TENM2: variants seen among roughly 807,000 people sequenced by gnomAD.
The protein encoded by TENM2 is teneurin transmembrane protein 2.
In TENM2, 52 loss-of-function variants were observed where a neutral mutation model predicts 245.2. The ratio of observed to expected loss-of-function variants is 0.21; its 90% CI spans 0.17 to 0.27. The LOEUF (loss-of-function observed/expected upper bound fraction) is 0.27. Ranked by LOEUF, TENM2 falls within the 10% of genes least tolerant of loss-of-function variation. The probability of loss-of-function intolerance (pLI) is 1.00; values close to 1 mark genes in which losing one functional copy is unlikely to be tolerated. For missense variants in TENM2, 3,046 were observed against 3,666.8 expected (o/e 0.83, Z 4.37); for synonymous variants, 1,363 against 1,438.9 (o/e 0.95, Z 1.19).
intron 5 of TENM2, among the ~76,000 whole-genome samples, chr5:168,034,465 C>T (rs994821748): frequency 6.6e-6 from 1 of 151,804 alleles, no homozygotes; most frequent in Admixed American, 6.6e-5. Context: ...AGCGTGGTGG[C>T]TCATACTTGT....
At chr5:168,034,089 A>G (rs916695120) in intron 5 of TENM2, among the ~76,000 whole-genome samples, 1 of 141,028 alleles carries the variant, frequency 7.1e-6, no homozygotes, top group African/African-American at 2.8e-5. Context: ...ATACATATAT[A>G]TGTGTATATA....
At chr5:167,731,760 A>G (rs2150559623) in intron 2 of TENM2, among the ~76,000 whole-genome samples, 1 of 145,044 alleles carries the variant, frequency 6.9e-6, no homozygotes, top group Middle Eastern at 3.7e-3. Context: ...GTTCCAGACT[A>G]CTGCATGTAG....
At chr5:167,389,516 A>G (rs28555227) in intron 2 of TENM2, among the ~76,000 whole-genome samples, 48,518 of 151,884 alleles carry the variant, frequency 0.32, 8,044 homozygotes, top group Middle Eastern at 0.43. Flanking sequence ...TTTAAGAGGG[A>G]CATAGTACTC....
chr5:167,147,484 A>G, the TENM2 span, among the ~76,000 whole-genome samples: 1 of 152,156 alleles, frequency 6.6e-6, no homozygotes, highest in Admixed American at 6.6e-5. Context: ...AGCTCAGTGC[A>G]TACAAATACA....
the TENM2 span, among the ~76,000 whole-genome samples, chr5:167,069,750 A>G: frequency 0.21 from 31,583 of 152,106 alleles, 4,629 homozygotes; most frequent in East Asian, 0.44. Flanking sequence ...CTTAATTTTC[A>G]TTTAGCTGAA....
chr5:167,808,222 C>T (rs1180904797), intron 2 of TENM2, among the ~76,000 whole-genome samples: 1 of 152,142 alleles, frequency 6.6e-6, no homozygotes, highest in African/African-American at 2.4e-5. Context: ...ATCTGTGAAA[C>T]AACTGATAAT....
Position 167,926,783 on chromosome 5 carries a change from G to A in TENM2, c.713-25805G>A, listed in dbSNP as rs567260400. Among the ~76,000 whole-genome samples the A allele has an allele frequency of 2.6e-5, 4 of 151,398 alleles. No individual in the cohort carries two copies. In the South Asian group the frequency reaches 6.3e-4, roughly 24 times the overall value. On this transcript the variant is annotated intron_variant, in intron 3 of 28. Transcript: ENST00000518659. ...ACACACAAGACCTTAGTGTCTTAGC[G>A]ATGGGAGTTTTCTGTATGTTGACTG... is the stretch of plus-strand genomic sequence containing the variant.
Position 167,835,253 on chromosome 5 carries a change from C to T in TENM2, c.503-40733C>T, listed in dbSNP as rs575248306. On this transcript the variant is annotated intron_variant, in intron 2 of 28. Coordinates refer to ENST00000518659, the Ensembl canonical transcript of TENM2. ...AACGGTGTGATTCACCAGAGTGAGA[C>T]TATCATCCCATGGGGACAGGGAGAA... Among the ~76,000 whole-genome samples the T allele has an allele frequency of 5.9e-5, 9 of 152,300 alleles. No homozygotes were observed. The East Asian group carries it at 1.5e-3, about 26-fold the overall frequency.
the TENM2 span, among the ~76,000 whole-genome samples, chr5:166,995,060 T>C: frequency 3.3e-3 from 506 of 152,256 alleles, 13 homozygotes; most frequent in South Asian, 0.059. Flanking sequence ...AAAAGATGGA[T>C]GATTCTTGCA....
At chr5:167,590,340 G>C (rs987875745) in intron 2 of TENM2, among the ~76,000 whole-genome samples, 1 of 151,440 alleles carries the variant, frequency 6.6e-6, no homozygotes, top group Non-Finnish European at 1.5e-5. Context: ...CCATTATAAG[G>C]TTCAATAAAT....
the TENM2 span, among the ~76,000 whole-genome samples, chr5:167,207,694 G>T: frequency 1.3e-5 from 2 of 152,094 alleles, no homozygotes; most frequent in African/African-American, 4.8e-5. Context: ...ATGAGACAGC[G>T]TGCATGAGAG....
intron 2 of TENM2, among the ~76,000 whole-genome samples, chr5:167,577,994 T>C (rs1332425800): frequency 6.6e-6 from 1 of 152,132 alleles, no homozygotes; most frequent in African/African-American, 2.4e-5. Context: ...ATAATCCCCA[T>C]CAGCAAAATC....
At chr5:167,895,827 A>G (rs1189932100) in intron 3 of TENM2, among the ~76,000 whole-genome samples, 1 of 152,194 alleles carries the variant, frequency 6.6e-6, no homozygotes, top group Non-Finnish European at 1.5e-5. Flanking sequence ...GAAGCTGAAG[A>G]CTTTTTCAAT....
At chr5:168,206,940 C>A (rs2152543476) in intron 19 of TENM2, among the ~76,000 whole-genome samples, 1 of 152,262 alleles carries the variant, frequency 6.6e-6, no homozygotes, top group African/African-American at 2.4e-5. Context: ...CACCTCCAAA[C>A]CTTCACTCTT....
At chr5:167,576,700 C>A (rs1366031568) in intron 2 of TENM2, among the ~76,000 whole-genome samples, 1 of 152,070 alleles carries the variant, frequency 6.6e-6, no homozygotes, top group African/African-American at 2.4e-5. Context: ...GAGTAATGAT[C>A]AAACGCATTA....
intron 2 of TENM2, among the ~76,000 whole-genome samples, chr5:167,843,373 A>C (rs1200737120): frequency 2.0e-5 from 3 of 152,228 alleles, no homozygotes; most frequent in Admixed American, 1.3e-4. Context: ...TGTGTCTTAC[A>C]TATACATAGT....
the TENM2 span, among the ~76,000 whole-genome samples, chr5:167,238,887 T>C: frequency 5.1e-3 from 782 of 152,264 alleles, 3 homozygotes; most frequent in African/African-American, 0.018. Flanking sequence ...ATAAGAAACA[T>C]AAGCTATTTG....
At chr5:167,634,013 G>C (rs1779036268) in intron 2 of TENM2, among the ~76,000 whole-genome samples, 1 of 152,144 alleles carries the variant, frequency 6.6e-6, no homozygotes, top group South Asian at 2.1e-4. Flanking sequence ...TGTTGTAACT[G>C]TGTGTGCTTC....
the TENM2 span, among the ~76,000 whole-genome samples, chr5:167,053,342 A>G: frequency 3.3e-5 from 5 of 152,198 alleles, no homozygotes; most frequent in African/African-American, 1.2e-4. Context: ...AGAAGCACCT[A>G]TATCTCAGAC....
Sources: gnomAD v4.1 joint callset for allele counts (sites outside exome capture counted in the v4.1 genomes callset) on GRCh38, gnomAD v4.1.1 for gene constraint, MANE v1.5 for transcripts, NCBI Gene and HGNC (gene_info 2026-07-23, HGNC 2026-07-21) for gene names.